NEDD4L: variants seen among roughly 807,000 people sequenced by gnomAD.
NEDD4L encodes the protein NEDD4 like E3 ubiquitin protein ligase.
A neutral mutation model predicts 148.9 loss-of-function variants in NEDD4L; 54 were observed. The observed-to-expected ratio is 0.36, with a 90% CI of 0.29 to 0.45. NEDD4L has a LOEUF of 0.45. Among genes scored for constraint, NEDD4L ranks in the 20% least tolerant of loss-of-function variants. The pLI is 1.00. For missense variants in NEDD4L, 856 were observed against 1,233.8 expected (o/e 0.69, Z 4.59); for synonymous variants, 433 against 440.7 (o/e 0.98, Z 0.22).
chr18:58,258,894 G>A (rs137928582), intron 5 of NEDD4L, among the ~76,000 whole-genome samples: 20 of 152,314 alleles, frequency 1.3e-4, no homozygotes, highest in African/African-American at 4.8e-4. Context: ...TTATCTTGAA[G>A]GAAAACATTC....
chr18:58,179,760 C>G (rs1346841688), intron 2 of NEDD4L, among the ~76,000 whole-genome samples: 1 of 151,968 alleles, frequency 6.6e-6, no homozygotes, highest in East Asian at 1.9e-4. Context: ...ATGGGACCAT[C>G]TAGTTGCAGG....
chr18:58,111,506 C>T (rs1427734120), intron 1 of NEDD4L, among the ~76,000 whole-genome samples: 1 of 152,222 alleles, frequency 6.6e-6, no homozygotes, highest in East Asian at 1.9e-4. Context: ...CTATTCTGGA[C>T]ATTTCATATA....
rs576714220 is a variant in NEDD4L, at chr18:58,384,707, G to T, written c.2427-819G>T. 6.6e-5 allele frequency among the ~76,000 whole-genome samples: 10 copies of T among 152,340 alleles called. No individual in the cohort carries two copies. In the South Asian group the frequency reaches 8.3e-4, roughly 13 times the overall value. ...TACCTCTGCTCCCCTGGTGCCAGAA[G>T]AATGCTGTTGAGCTGTTCATTGTAG... On this transcript the variant is annotated intron_variant, in intron 25 of 30. Coordinates refer to ENST00000400345, the MANE Select transcript of NEDD4L (RefSeq NM_001144967.3).
intron 1 of NEDD4L, among the ~76,000 whole-genome samples, chr18:58,159,029 A>G (rs1410996461): frequency 2.6e-5 from 4 of 152,138 alleles, no homozygotes; most frequent in Non-Finnish European, 5.9e-5. Context: ...TAGATGGTCA[A>G]TGTGGAGAAC....
Position 58,287,192 on chromosome 18 carries a change from G to C in NEDD4L, c.298-28790G>C, listed in dbSNP as rs1351041860. Among the ~76,000 whole-genome samples the C allele has an allele frequency of 4.0e-5, 6 of 151,240 alleles. No individual in the cohort carries two copies. In the East Asian group the frequency reaches 1.2e-3, roughly 29 times the overall value. On this transcript the variant is annotated intron_variant, in intron 5 of 30. Coordinates refer to ENST00000400345, the MANE Select transcript of NEDD4L (RefSeq NM_001144967.3). ...ACTTTATCCTGCTAAGGAGCTAAAA[G>C]GTCCATATGATCAAAAAGGCAGCTC...
At chr18:58,149,472 C>T in intron 1 of NEDD4L, 2 of 1,549,522 alleles carry the variant, frequency 1.3e-6, no homozygotes, top group South Asian at 2.4e-5. Context: ...TCAGAACTTG[C>T]TCTGCCCTTG....
At chr18:58,388,848 C>T (rs535379206) in intron 27 of NEDD4L, 6 of 533,578 alleles carry the variant, frequency 1.1e-5, no homozygotes, top group Admixed American at 6.0e-5. Flanking sequence ...ATATCCGATA[C>T]GACATGCCGT....
chr18:58,174,001 C>G (rs1263799265), intron 2 of NEDD4L, among the ~76,000 whole-genome samples: 2 of 152,216 alleles, frequency 1.3e-5, no homozygotes, highest in Non-Finnish European at 2.9e-5. Context: ...AACACCCCAC[C>G]TGGGTCTCAC....
At chr18:58,238,559 G>C (rs942225341) in intron 2 of NEDD4L, among the ~76,000 whole-genome samples, 5 of 152,152 alleles carry the variant, frequency 3.3e-5, no homozygotes, top group Admixed American at 2.6e-4. Flanking sequence ...TAATATTCTA[G>C]TATATGATTG....
chr18:58,396,943 G>A lies in NEDD4L; in HGVS notation c.*674G>A, dbSNP rs1363233442. Reference sequence around the variant, plus strand: ...AACTGGATATTACGTTTTTGTTTTGGGGTTTTTTTGTACAAATTTAGCTAA... The same window carrying A: ...AACTGGATATTACGTTTTTGTTTTGAGGTTTTTTTGTACAAATTTAGCTAA... On this transcript the variant is annotated 3_prime_UTR_variant, in exon 31 of 31. Transcript: ENST00000400345. 1 of 152,460 alleles carries A rather than the reference G, an allele frequency of 6.6e-6. No individual in the cohort carries two copies. The highest frequency in any genetic ancestry group is 1.5e-5 in the Non-Finnish European group (1 of 67,996). 9.4% of individuals were successfully genotyped at this position (152,460 alleles called of 1,614,324 possible).
chr18:58,313,178 A>G (rs1312605224), intron 5 of NEDD4L, among the ~76,000 whole-genome samples: 1 of 152,212 alleles, frequency 6.6e-6, no homozygotes, highest in Non-Finnish European at 1.5e-5. Context: ...ATTTTATTTC[A>G]AAAATAATTT....
rs139594765 is a variant in NEDD4L at position 58,400,230 on chromosome 18, C to G, written c.*3961C>G. On this transcript the variant is annotated 3_prime_UTR_variant, in exon 31 of 31. Transcript: ENST00000400345. ...CTCCCTTCCTGACCTCCCCTGACCCCGAAGATCACTACCTCTGTCATTCAG... is the reference window on the plus strand; with the variant it reads ...CTCCCTTCCTGACCTCCCCTGACCCGGAAGATCACTACCTCTGTCATTCAG... The G allele has an allele frequency of 2.6e-5, 4 of 152,296 alleles. No individual in the cohort carries two copies. In the East Asian group the frequency reaches 5.8e-4, roughly 22 times the overall value. The allele number at this position is 152,296 out of a possible 1,614,324, so 9.4% of individuals were successfully genotyped here.
intron 24 of NEDD4L, among the ~76,000 whole-genome samples, chr18:58,379,516 G>C (rs2048046392): frequency 6.6e-6 from 1 of 152,218 alleles, no homozygotes; most frequent in South Asian, 2.1e-4. Flanking sequence ...TAGAGTGATG[G>C]TGAGACAGGA....
At chr18:58,101,213 C>G (rs372068223) in intron 1 of NEDD4L, among the ~76,000 whole-genome samples, 260 of 152,312 alleles carry the variant, frequency 1.7e-3, no homozygotes, top group African/African-American at 5.9e-3. Flanking sequence ...CAGTAGTCAT[C>G]TGATACAGCC....
chr18:58,231,349 GA>G (rs934468589), intron 2 of NEDD4L, among the ~76,000 whole-genome samples: 1 of 151,920 alleles, frequency 6.6e-6, no homozygotes, highest in African/African-American at 2.4e-5. Context: ...AGAGAGTGGA[GA>G]GGCTGGTTAT....
At chr18:58,207,354 G>C (rs1456085615) in intron 2 of NEDD4L, among the ~76,000 whole-genome samples, 1 of 151,062 alleles carries the variant, frequency 6.6e-6, no homozygotes, top group Non-Finnish European at 1.5e-5. Flanking sequence ...AACAGCGCTT[G>C]TTTATAGCCA....
At chr18:58,369,673 G>T (rs1190205053) in intron 22 of NEDD4L, among the ~76,000 whole-genome samples, 1 of 152,202 alleles carries the variant, frequency 6.6e-6, no homozygotes, top group Non-Finnish European at 1.5e-5. Context: ...GGAGCCTGGG[G>T]TGCCAGGTCT....
At chr18:58,329,506 A>C (rs940775790) in intron 10 of NEDD4L, among the ~76,000 whole-genome samples, 1 of 151,890 alleles carries the variant, frequency 6.6e-6, no homozygotes, top group Non-Finnish European at 1.5e-5. Flanking sequence ...ACAGGCACGC[A>C]TCACCACACC....
chr18:58,390,239 A>T (rs2049629950), intron 28 of NEDD4L: 1 of 155,620 alleles, frequency 6.4e-6, no homozygotes, highest in African/African-American at 2.4e-5. Context: ...TTATAAAATG[A>T]TGTCTTCTAG....
Sources: allele counts gnomAD v4.1 joint callset (sites outside exome capture counted in the v4.1 genomes callset), GRCh38; gene constraint gnomAD v4.1.1; transcripts MANE v1.5; gene names NCBI Gene and HGNC (gene_info 2026-07-23, HGNC 2026-07-21).